Variants in TUBB1 observed in about 807,000 individuals in gnomAD.
TUBB1 encodes the protein tubulin beta 1 class VI, also known as tubulin beta-1 chain.
A neutral mutation model predicts 22.6 loss-of-function variants in TUBB1; 28 were observed. The observed-to-expected ratio is 1.24, with a 90% CI of 0.92 to 1.70. The LOEUF is 1.70. Among genes scored for constraint, TUBB1 ranks in the 40% most tolerant of loss-of-function variants. The probability of loss-of-function intolerance (pLI) is 0.00; values close to 1 mark genes in which losing one functional copy is unlikely to be tolerated. For synonymous variants in TUBB1, 226 were observed against 238.0 expected, an observed-to-expected ratio of 0.95 and a Z score of 0.46; for missense variants, 577 against 605.5, an observed-to-expected ratio of 0.95 and a Z score of 0.49.
rs1282776504 is a variant in TUBB1, at chr20:59,024,473, T to C, written c.1046T>C (p.Val349Ala). ...TTTGTGGAGTGGATTCCCAACAACG[T>C]CAAGGTGGCTGTCTGCGACATCCCG... is the stretch of plus-strand genomic sequence containing the variant. Reference protein sequence around the residue: ...SCFVEWIPNNVKVAVCDIPPR... With the variant: ...SCFVEWIPNNAKVAVCDIPPR... Residue 349 changes from valine to alanine, a missense_variant, in exon 4 of 4, where the codon GTC becomes GCC. By Grantham distance (64) the Val-to-Ala change is moderately conservative. Transcript: ENST00000217133. This position sits in a 1 kb window ranked among gnomAD's most constrained non-coding sequence, Gnocchi z 4.9. The C allele has an allele frequency of 1.9e-6, 3 of 1,614,068 alleles. No individual in the cohort carries two copies. Among genetic ancestry groups the C allele is most frequent in the African/African-American group, 2.7e-5 (2 of 74,920 alleles).
chr20:59,024,097 G>A lies in TUBB1; in HGVS notation c.670G>A (p.Asp224Asn). Residue 224 changes from aspartate to asparagine, a missense_variant, in exon 4 of 4, where the codon GAT becomes AAT. By Grantham distance (23) the Asp-to-Asn change is conservative. Coordinates refer to ENST00000217133, the MANE Select transcript of TUBB1 (RefSeq NM_030773.4). This position sits in a 1 kb window ranked among gnomAD's most constrained non-coding sequence, Gnocchi z 4.9. ...TLKLTTPTYG[D>N]LNHLVSLTMS... ...GAAGCTGACGACACCCACCTATGGGGATCTCAACCACCTAGTGTCCTTGAC... is the reference window on the plus strand; with the variant it reads ...GAAGCTGACGACACCCACCTATGGGAATCTCAACCACCTAGTGTCCTTGAC... 6.2e-7 allele frequency: 1 copy of A among 1,614,198 alleles called. No individual in the cohort carries two copies. The highest frequency in any genetic ancestry group is 1.1e-5 in the South Asian group (1 of 91,084).
chr20:59,021,963 C>G (rs933913608), intron 1 of TUBB1, among the ~76,000 whole-genome samples: 1 of 149,040 alleles, frequency 6.7e-6, no homozygotes, highest in Non-Finnish European at 1.5e-5. Context: ...CTACGGCACT[C>G]CAGCCTAGGT....
intron 1 of TUBB1, among the ~76,000 whole-genome samples, chr20:59,020,850 CTTGATT>C (rs1236746179): frequency 2.2e-4 from 34 of 152,292 alleles, no homozygotes; most frequent in African/African-American, 7.2e-4. Context: ...AATCTCCAAT[CTTGATT>C]TTAAGATGAC....
At chr20:59,022,078 T>C (rs1311017939) in intron 1 of TUBB1, among the ~76,000 whole-genome samples, 1 of 152,162 alleles carries the variant, frequency 6.6e-6, no homozygotes. Context: ...GGCTCATGCC[T>C]GTAATTCCAG....
chr20:59,018,389 C>A (rs118047173), upstream of TUBB1, among the ~76,000 whole-genome samples: 326 of 151,958 alleles, frequency 2.1e-3, no homozygotes, highest in Non-Finnish European at 3.9e-3. Context: ...GCTGCCACTC[C>A]TGTACACCGC....
Position 59,024,228 on chromosome 20 carries a change from G to T in TUBB1, c.801G>T (p.Met267Ile). 9 of 1,614,014 alleles carry T rather than the reference G, an allele frequency of 5.6e-6. No homozygotes were observed. Among genetic ancestry groups the T allele is most frequent in the Non-Finnish European group, 7.6e-6 (9 of 1,180,014 alleles). The change falls in exon 4 of 4, where the codon ATG (methionine) becomes ATT (isoleucine). Residue 267 changes from methionine (M) to isoleucine (I), a missense_variant. Coordinates refer to ENST00000217133, the MANE Select transcript of TUBB1 (RefSeq NM_030773.4). This position sits in a 1 kb window ranked among gnomAD's most constrained non-coding sequence, Gnocchi z 4.9. ...CCTTCCCCCGCCTGCACTTCTTTAT[G>T]CCCGGCTTTGCCCCACTCACGGCCC... ...MVPFPRLHFF[M>I]PGFAPLTAQG...
Position 59,024,234 on chromosome 20 carries a change from C to T in TUBB1, c.807C>T (p.Gly269=), listed in dbSNP as rs201440866. Residue 269 remains glycine (G), a synonymous_variant, in exon 4 of 4, where the codon GGC becomes GGT. Transcript: ENST00000217133. This position sits in a 1 kb window ranked among gnomAD's most constrained non-coding sequence, Gnocchi z 4.9. ...CCCGCCTGCACTTCTTTATGCCCGG[C>T]TTTGCCCCACTCACGGCCCAGGGCA... ...PFPRLHFFMP[G]FAPLTAQGSQ... The T allele has an allele frequency of 1.9e-6, 3 of 1,614,092 alleles. No individual in the cohort carries two copies. The highest frequency in any genetic ancestry group is 2.5e-6 in the Non-Finnish European group (3 of 1,180,038).
upstream of TUBB1, among the ~76,000 whole-genome samples, chr20:59,018,307 A>G (rs1403558852): frequency 9.2e-5 from 14 of 152,168 alleles, no homozygotes; most frequent in South Asian, 4.1e-4. Flanking sequence ...GATGATAGAA[A>G]CTTGGTGGCA....
chr20:59,022,316 CAAAAAA>C (rs10590022), intron 1 of TUBB1, among the ~76,000 whole-genome samples: 1 of 104,394 alleles, frequency 9.6e-6, no homozygotes, highest in Admixed American at 9.7e-5. Flanking sequence ...AAGACTCCAT[CAAAAAA>C]AAAAAAAAAA....
upstream of TUBB1, chr20:59,019,310 C>T (rs2091957414): frequency 1.6e-6 from 1 of 618,156 alleles, no homozygotes; most frequent in African/African-American, 1.8e-5. Context: ...GCATGACAGG[C>T]AGAAAGCAGA....
chr20:59,020,712 A>G (rs1265695801), intron 1 of TUBB1, among the ~76,000 whole-genome samples: 1 of 152,228 alleles, frequency 6.6e-6, no homozygotes, highest in Non-Finnish European at 1.5e-5. Context: ...GTACAGTAAC[A>G]TAATTAATTA....
chr20:59,016,939 A>G (rs1249246059), upstream of TUBB1, among the ~76,000 whole-genome samples: 2 of 152,190 alleles, frequency 1.3e-5, no homozygotes, highest in African/African-American at 4.8e-5. Flanking sequence ...AGCACAAAAA[A>G]GTTCCAAACT....
intron 1 of TUBB1, 78 bp from the exon 2 acceptor site, chr20:59,022,767 T>C: frequency 7.5e-7 from 1 of 1,337,108 alleles, no homozygotes; most frequent in Non-Finnish European, 1.1e-6. Flanking sequence ...GGAAACAGGC[T>C]TGGGAATGCT....
At position 59,023,819 on chromosome 20, in the gene TUBB1, AG is replaced by A; in HGVS notation, c.395del (p.Gly132AlafsTer21). ...GAGAGTGAGAGCTGTGACTGCCTGC[AG>A]GGCTTCCAGATCGTCCACTCCCTGG... is the stretch of plus-strand genomic sequence containing the variant. ...RHESESCDCL[Q>X]GFQIVHSLGG... is the part of the protein sequence containing the mutation. On this transcript the variant is annotated frameshift_variant, in exon 4 of 4. Transcript: ENST00000217133. LOFTEE classifies it high-confidence loss of function. 2 of 1,614,202 alleles carry A rather than the reference AG, an allele frequency of 1.2e-6. No individual in the cohort carries two copies. Among genetic ancestry groups the A allele is most frequent in the Admixed American group, 3.3e-5 (2 of 60,024 alleles).
rs373556087 is a variant in TUBB1 at position 59,023,538 on chromosome 20, C to T, written c.215C>T (p.Thr72Met). Residue 72 changes from threonine (T) to methionine (M), a missense_variant, in exon 3 of 4, where the codon ACG becomes ATG. Coordinates refer to ENST00000217133, the MANE Select transcript of TUBB1 (RefSeq NM_030773.4). ...GTCTTGGTGGACCTAGAACCTGGGA[C>T]GATGGACAGCATTCGATCTAGCAAA... ...RAVLVDLEPG[T>M]MDSIRSSKLG... 3.8e-5 allele frequency: 61 copies of T among 1,614,020 alleles called. No individual in the cohort carries two copies. Among genetic ancestry groups the T allele is most frequent in the Non-Finnish European group, 4.9e-5 (58 of 1,180,028 alleles).
upstream of TUBB1, among the ~76,000 whole-genome samples, chr20:59,017,833 C>A (rs1337133138): frequency 6.6e-6 from 1 of 152,162 alleles, no homozygotes; most frequent in African/African-American, 2.4e-5. Flanking sequence ...GCCAGAGTTC[C>A]AAGAGTGCAG....
Position 59,022,834 on chromosome 20 carries a change from C to T in TUBB1, c.58-11C>T, listed in dbSNP as rs775268564. The stretch of plus-strand genomic sequence containing the variant: ...GGGGTCCGTTTACTCTGACCTTCCT[C>T]CTGCTTTCAGTTCTGGGAGATGATT... On this transcript the variant is annotated splice_polypyrimidine_tract_variant and intron_variant, in intron 1 of 3. Coordinates refer to ENST00000217133, the MANE Select transcript of TUBB1 (RefSeq NM_030773.4). The T allele has an allele frequency of 3.7e-6, 6 of 1,613,820 alleles. No homozygotes were observed. In the Admixed American group the frequency reaches 6.7e-5, roughly 18 times the overall value.
At chr20:59,019,368 A>T (rs1176514457), upstream of TUBB1, 1 of 811,978 alleles carries the variant, frequency 1.2e-6, no homozygotes, top group Non-Finnish European at 2.1e-6. Context: ...TCTGGGGTGG[A>T]CACACCCTTG....
upstream of TUBB1, among the ~76,000 whole-genome samples, chr20:59,016,859 T>C (rs2091947535): frequency 6.6e-6 from 1 of 152,168 alleles, no homozygotes; most frequent in Non-Finnish European, 1.5e-5. Flanking sequence ...CATTCTTCTC[T>C]TTACCTTTGG....
Sources: allele counts gnomAD v4.1 joint callset (sites outside exome capture counted in the v4.1 genomes callset), GRCh38; gene constraint gnomAD v4.1.1; non-coding constraint Gnocchi (gnomAD v3.1); transcripts MANE v1.5; gene names NCBI Gene and HGNC (gene_info 2026-07-23, HGNC 2026-07-21).